QTMAN: variants seen among roughly 807,000 people sequenced by gnomAD.
QTMAN encodes the protein queuosine-tRNA mannosyltransferase.
chr2:143,998,257 A>G, the QTMAN span, among the ~76,000 whole-genome samples: 1 of 152,064 alleles, frequency 6.6e-6, no homozygotes, highest in Non-Finnish European at 1.5e-5. Context: ...ATCACAATAA[A>G]TTATTTCCTT....
chr2:144,041,780 G>A, the QTMAN span, among the ~76,000 whole-genome samples: 5 of 152,200 alleles, frequency 3.3e-5, no homozygotes, highest in Admixed American at 1.3e-4. Flanking sequence ...AGCCAGTCCA[G>A]GGGAAGCTTC....
the QTMAN span, among the ~76,000 whole-genome samples, chr2:143,969,693 A>G: frequency 6.6e-6 from 1 of 152,246 alleles, no homozygotes; most frequent in Non-Finnish European, 1.5e-5. Context: ...TGAGATCAAA[A>G]GGATAAAATA....
At chr2:144,302,696 G>A in the QTMAN span, among the ~76,000 whole-genome samples, 34 of 152,350 alleles carry the variant, frequency 2.2e-4, 1 homozygote, top group East Asian at 4.2e-3. Context: ...AATCAAAGAT[G>A]AGTACAGCAT....
the QTMAN span, among the ~76,000 whole-genome samples, chr2:144,279,146 C>CA: frequency 6.6e-6 from 1 of 152,132 alleles, no homozygotes; most frequent in Non-Finnish European, 1.5e-5. Flanking sequence ...TCTACAGGGC[C>CA]AAACAACGAC....
chr2:144,097,894 G>A, the QTMAN span, among the ~76,000 whole-genome samples: 3,582 of 152,226 alleles, frequency 0.024, 54 homozygotes, highest in Middle Eastern at 0.058. Flanking sequence ...TGTTTACACT[G>A]AAGCTTATAT....
At chr2:144,252,813 T>G in the QTMAN span, among the ~76,000 whole-genome samples, 1 of 152,178 alleles carries the variant, frequency 6.6e-6, no homozygotes, top group Non-Finnish European at 1.5e-5. Flanking sequence ...TATATCAGTT[T>G]TACTCAGAAC....
chr2:144,182,319 G>A, the QTMAN span, among the ~76,000 whole-genome samples: 1 of 152,026 alleles, frequency 6.6e-6, no homozygotes, highest in South Asian at 2.1e-4. Context: ...CAGTAGGTAT[G>A]TGTGACTTAA....
the QTMAN span, among the ~76,000 whole-genome samples, chr2:144,157,778 CAT>C: frequency 1.3e-3 from 193 of 151,758 alleles, no homozygotes; most frequent in African/African-American, 4.3e-3. Context: ...ATGTATAACA[CAT>C]ATATAACTAT....
chr2:143,957,359 G>A, the QTMAN span: 1 of 1,519,002 alleles, frequency 6.6e-7, no homozygotes, highest in Non-Finnish European at 9.0e-7. Flanking sequence ...ACAAGAAAAA[G>A]ATATTCATCT....
At chr2:143,961,035 G>A in the QTMAN span, among the ~76,000 whole-genome samples, 1 of 152,116 alleles carries the variant, frequency 6.6e-6, no homozygotes, top group Non-Finnish European at 1.5e-5. Flanking sequence ...GGCTGAAAGA[G>A]GTGACATGGC....
chr2:144,114,979 A>T, the QTMAN span, among the ~76,000 whole-genome samples: 2 of 152,182 alleles, frequency 1.3e-5, no homozygotes, highest in Non-Finnish European at 2.9e-5. Flanking sequence ...TTGTAATCCC[A>T]GCACTTTGGG....
the QTMAN span, among the ~76,000 whole-genome samples, chr2:144,307,413 G>C: frequency 1.3e-5 from 2 of 152,082 alleles, no homozygotes; most frequent in Non-Finnish European, 1.5e-5. Flanking sequence ...AACAAGGCAA[G>C]GATGTTCACT....
the QTMAN span, among the ~76,000 whole-genome samples, chr2:144,100,573 C>G: frequency 6.6e-5 from 10 of 152,252 alleles, no homozygotes; most frequent in South Asian, 2.1e-3. Context: ...CAGGAAGTTC[C>G]TGAAATTCCT....
chr2:144,297,370 A>G, the QTMAN span, among the ~76,000 whole-genome samples: 3 of 152,100 alleles, frequency 2.0e-5, no homozygotes, highest in South Asian at 6.2e-4. Flanking sequence ...TTTCTGGTCT[A>G]TTACACTTAC....
chr2:144,311,059 A>G, the QTMAN span, among the ~76,000 whole-genome samples: 13 of 152,242 alleles, frequency 8.5e-5, no homozygotes, highest in Non-Finnish European at 1.5e-4. Flanking sequence ...AATCCATACA[A>G]GTCTGCTAGG....
the QTMAN span, among the ~76,000 whole-genome samples, chr2:144,200,367 A>C: frequency 1.3e-5 from 2 of 152,252 alleles, no homozygotes; most frequent in African/African-American, 4.8e-5. Flanking sequence ...TCAAAACTAA[A>C]AAGCCTTAAA....
At chr2:144,325,303 G>C in the QTMAN span, among the ~76,000 whole-genome samples, 1 of 152,144 alleles carries the variant, frequency 6.6e-6, no homozygotes, top group Non-Finnish European at 1.5e-5. Flanking sequence ...TGACAAAATG[G>C]AAGGCTGTGG....
chr2:143,944,997 C>T, the QTMAN span: 542 of 150,560 alleles, frequency 3.6e-3, 3 homozygotes, highest in African/African-American at 0.013. Flanking sequence ...CACTATGAAG[C>T]GTAAGCCCAT....
the QTMAN span, among the ~76,000 whole-genome samples, chr2:144,181,977 G>A: frequency 6.6e-6 from 1 of 152,004 alleles, no homozygotes; most frequent in African/African-American, 2.4e-5. Flanking sequence ...TCTGAAAAAA[G>A]CGCTCTGTGG....
Sources: allele counts gnomAD v4.1 joint callset (sites outside exome capture counted in the v4.1 genomes callset), GRCh38; gene constraint gnomAD v4.1.1; transcripts MANE v1.5; gene names NCBI Gene and HGNC (gene_info 2026-07-23, HGNC 2026-07-21).